EYA2: variants seen among roughly 807,000 people sequenced by gnomAD.
EYA2 encodes the protein protein phosphatase EYA2.
Under a neutral mutation model 69.2 loss-of-function variants are expected in EYA2, and 31 were observed. That is an observed-to-expected ratio of 0.45 (90% CI 0.34 to 0.60). The LOEUF (loss-of-function observed/expected upper bound fraction) is 0.60. Ranked by LOEUF, EYA2 falls within the 20% of genes least tolerant of loss-of-function variation. EYA2 has a pLI of 0.02. For missense variants in EYA2, 622 were observed against 701.2 expected (o/e 0.89, Z 1.28); for synonymous variants, 257 against 279.4 (o/e 0.92, Z 0.80).
intron 10 of EYA2, among the ~76,000 whole-genome samples, chr20:47,145,121 A>T (rs771490158): frequency 6.6e-6 from 1 of 152,206 alleles, no homozygotes; most frequent in Non-Finnish European, 1.5e-5. Context: ...GGCAGTAAAC[A>T]ACCAAACAAA....
intron 9 of EYA2, among the ~76,000 whole-genome samples, chr20:47,128,562 A>C (rs2033257353): frequency 6.6e-6 from 1 of 152,108 alleles, no homozygotes; most frequent in Admixed American, 6.5e-5. Context: ...TATCTGCCCT[A>C]AGCTTTTTTT....
intron 1 of EYA2, among the ~76,000 whole-genome samples, chr20:46,905,405 T>G (rs1183658045): frequency 6.6e-6 from 1 of 152,194 alleles, no homozygotes; most frequent in East Asian, 1.9e-4. Context: ...AACCAGTTAT[T>G]TATGATCTAT....
intron 1 of EYA2, among the ~76,000 whole-genome samples, chr20:46,947,117 C>G (rs1404837992): frequency 2.0e-5 from 3 of 152,276 alleles, no homozygotes; most frequent in Admixed American, 6.5e-5. Flanking sequence ...CACAGAAAAG[C>G]TTGCTGACCT....
intron 5 of EYA2, among the ~76,000 whole-genome samples, chr20:47,065,589 T>G (rs1434818937): frequency 6.6e-6 from 1 of 152,208 alleles, no homozygotes; most frequent in African/African-American, 2.4e-5. Flanking sequence ...CAATTTAAAT[T>G]TGTTTAATTT....
At chr20:47,172,109 A>T (rs1230707690) in intron 11 of EYA2, among the ~76,000 whole-genome samples, 9 of 146,106 alleles carry the variant, frequency 6.2e-5, no homozygotes, top group East Asian at 2.0e-4. Context: ...AAAATAAATA[A>T]AAAAAAATAA....
intron 1 of EYA2, among the ~76,000 whole-genome samples, chr20:46,898,417 A>G (rs1983922609): frequency 6.6e-6 from 1 of 151,770 alleles, no homozygotes; most frequent in South Asian, 2.1e-4. Context: ...ACACACACAC[A>G]CACACACCAC....
At chr20:47,119,040 G>A (rs542284383) in intron 9 of EYA2, among the ~76,000 whole-genome samples, 2 of 152,218 alleles carry the variant, frequency 1.3e-5, no homozygotes, top group Admixed American at 6.5e-5. Context: ...GATAAGTGCT[G>A]AAAAAAATCC....
At chr20:46,965,531 C>T (rs1220786685) in intron 1 of EYA2, among the ~76,000 whole-genome samples, 1 of 152,246 alleles carries the variant, frequency 6.6e-6, no homozygotes, top group East Asian at 1.9e-4. Context: ...CCCGCAGTGG[C>T]CACCAGGTGC....
rs2034693347 is a variant in EYA2, at chr20:47,188,508, T to C, written c.*375T>C. 2 of 501,934 alleles carry C rather than the reference T, an allele frequency of 4.0e-6. No homozygotes were observed. Among genetic ancestry groups the C allele is most frequent in the Non-Finnish European group, 7.0e-6 (2 of 285,806 alleles). 31.1% of individuals were successfully genotyped at this position (501,934 alleles called of 1,614,324 possible). On this transcript the variant is annotated 3_prime_UTR_variant, in exon 16 of 16. Coordinates refer to ENST00000327619, the MANE Select transcript of EYA2 (RefSeq NM_005244.5). ...GACTAGTCTCATTACTCCGGAATTA[T>C]GCTCTTGTACCTGTGTGGCTGGGTT... is the stretch of plus-strand genomic sequence containing the variant.
chr20:47,013,192 C>T (rs753672977), intron 4 of EYA2, among the ~76,000 whole-genome samples: 1 of 152,220 alleles, frequency 6.6e-6, no homozygotes, highest in Non-Finnish European at 1.5e-5. Context: ...GAACCAGCCC[C>T]GCCCTCCTGG....
intron 1 of EYA2, among the ~76,000 whole-genome samples, chr20:46,899,526 C>G (rs1248514845): frequency 6.6e-6 from 1 of 152,132 alleles, no homozygotes. Flanking sequence ...ATAAATTTAC[C>G]GGCAGTGGAG....
chr20:47,128,030 GT>G (rs1421238694), intron 9 of EYA2, among the ~76,000 whole-genome samples: 1 of 152,186 alleles, frequency 6.6e-6, no homozygotes, highest in African/African-American at 2.4e-5. Context: ...AAACACACCT[GT>G]TTTTGACTCC....
intron 4 of EYA2, among the ~76,000 whole-genome samples, chr20:47,007,762 C>T (rs1000248356): frequency 2.0e-5 from 3 of 151,962 alleles, no homozygotes; most frequent in East Asian, 1.9e-4. Flanking sequence ...ACTACAGGCA[C>T]GCACTACCTC....
intron 1 of EYA2, among the ~76,000 whole-genome samples, chr20:46,974,804 C>T (rs938178992): frequency 2.0e-5 from 3 of 152,024 alleles, no homozygotes; most frequent in Non-Finnish European, 4.4e-5. Context: ...CTACATTTTG[C>T]TCCAGGGCCC....
intron 5 of EYA2, among the ~76,000 whole-genome samples, chr20:47,068,815 A>G (rs2031207965): frequency 6.6e-6 from 1 of 152,084 alleles, no homozygotes. Flanking sequence ...CATTTTAGCC[A>G]CTTTATAAAA....
intron 5 of EYA2, among the ~76,000 whole-genome samples, chr20:47,064,874 A>C (rs146957247): frequency 2.9e-4 from 44 of 152,300 alleles, no homozygotes; most frequent in Non-Finnish European, 5.9e-4. Flanking sequence ...TCACTGGGGC[A>C]CTGTATTAGT....
intron 10 of EYA2, chr20:47,161,576 A>G: frequency 3.0e-6 from 1 of 333,180 alleles, no homozygotes. Flanking sequence ...TGCCTCTGTG[A>G]GCTCCTCGGC....
intron 1 of EYA2, among the ~76,000 whole-genome samples, chr20:46,903,629 C>T (rs1984221197): frequency 6.6e-6 from 1 of 152,168 alleles, no homozygotes; most frequent in African/African-American, 2.4e-5. Context: ...TTCGGTGCCT[C>T]AGTTTCTTCG....
intron 4 of EYA2, among the ~76,000 whole-genome samples, chr20:47,011,118 A>G (rs1983031011): frequency 6.6e-6 from 1 of 152,136 alleles, no homozygotes; most frequent in Non-Finnish European, 1.5e-5. Flanking sequence ...GAAATGAATC[A>G]TTATATGGAT....
Sources: allele counts gnomAD v4.1 joint callset (sites outside exome capture counted in the v4.1 genomes callset), GRCh38; gene constraint gnomAD v4.1.1; transcripts MANE v1.5; gene names NCBI Gene and HGNC (gene_info 2026-07-23, HGNC 2026-07-21).